The following SCFD2 variants were observed in gnomAD, a reference collection of about 807,000 sequenced individuals.
SCFD2 encodes the protein sec1 family domain containing 2, also known as sec1 family domain-containing protein 2.
A neutral mutation model predicts 58.9 loss-of-function variants in SCFD2; 54 were observed. That is an observed-to-expected ratio of 0.92 (90% CI 0.74 to 1.15). The LOEUF (loss-of-function observed/expected upper bound fraction) is 1.15, where lower values mean the gene tolerates loss of function less well. Ranked by LOEUF, SCFD2 falls within the 50% of genes most tolerant of loss-of-function variation. The pLI, the probability that SCFD2 is intolerant of heterozygous loss-of-function variation, is 0.00. For missense variants in SCFD2, 805 were observed against 836.6 expected (o/e 0.96, Z 0.47); for synonymous variants, 321 against 335.9 (o/e 0.96, Z 0.49).
intron 4 of SCFD2, among the ~76,000 whole-genome samples, chr4:53,243,985 A>G (rs1036552142): frequency 1.3e-5 from 2 of 152,182 alleles, no homozygotes; most frequent in African/African-American, 4.8e-5. Flanking sequence ...AAAGACAGAG[A>G]AGGACATAAT....
At chr4:52,964,870 A>G (rs1720926082) in intron 5 of SCFD2, among the ~76,000 whole-genome samples, 1 of 152,186 alleles carries the variant, frequency 6.6e-6, no homozygotes, top group Non-Finnish European at 1.5e-5. Context: ...CACTATGTTA[A>G]TTTAGTGAGT....
intron 5 of SCFD2, among the ~76,000 whole-genome samples, chr4:52,930,508 A>C (rs897810138): frequency 2.6e-5 from 4 of 152,212 alleles, no homozygotes; most frequent in Non-Finnish European, 4.4e-5. Flanking sequence ...AAATTGACAA[A>C]TGGGAACCAT....
intron 4 of SCFD2, among the ~76,000 whole-genome samples, chr4:53,160,830 G>A (rs991208102): frequency 6.6e-6 from 1 of 152,190 alleles, no homozygotes; most frequent in African/African-American, 2.4e-5. Flanking sequence ...AGGGGCACTA[G>A]TTGACATTCT....
intron 4 of SCFD2, among the ~76,000 whole-genome samples, chr4:53,269,642 T>C (rs1234503290): frequency 4.6e-5 from 7 of 152,106 alleles, no homozygotes; most frequent in African/African-American, 1.2e-4. Context: ...TTTAAACAAA[T>C]AGAGAATAGA....
intron 5 of SCFD2, among the ~76,000 whole-genome samples, chr4:53,026,726 CTAGAGT>C (rs1722482480): frequency 6.6e-6 from 1 of 152,112 alleles, no homozygotes; most frequent in Admixed American, 6.5e-5. Flanking sequence ...TTCTAGACAA[CTAGAGT>C]AGTAGTACTG....
chr4:53,202,342 G>A (rs541716220), intron 4 of SCFD2, among the ~76,000 whole-genome samples: 29 of 152,118 alleles, frequency 1.9e-4, no homozygotes, highest in African/African-American at 6.0e-4. Flanking sequence ...CTGTAGATAC[G>A]TGGCATTATT....
At chr4:52,998,699 G>A (rs186501892) in intron 5 of SCFD2, among the ~76,000 whole-genome samples, 41 of 152,208 alleles carry the variant, frequency 2.7e-4, no homozygotes, top group African/African-American at 8.4e-4. Flanking sequence ...TGGCAAGAAC[G>A]ACAGAGTCAC....
At position 53,140,523 on chromosome 4, in the gene SCFD2, A is replaced by C. The variant is rs1387535465; in HGVS notation, c.1561+4810T>G. The stretch of plus-strand genomic sequence containing the variant: ...CAACCAATAGATTTCAATGGCTTGA[A>C]GTGATACTTTAATTTCTTTATAACA... On this transcript the variant is annotated intron_variant, in intron 5 of 8. Transcript: ENST00000401642. Among the ~76,000 whole-genome samples the C allele has an allele frequency of 3.3e-5, 5 of 151,680 alleles. No individual in the cohort carries two copies. The East Asian group carries it at 7.8e-4, about 24-fold the overall frequency.
At chr4:52,960,262 C>T (rs981927926) in intron 5 of SCFD2, among the ~76,000 whole-genome samples, 6 of 152,170 alleles carry the variant, frequency 3.9e-5, no homozygotes, top group African/African-American at 1.4e-4. Flanking sequence ...TCACCTGAGG[C>T]CTCAACTCTG....
chr4:53,092,704 C>A (rs1724508793), intron 5 of SCFD2, among the ~76,000 whole-genome samples: 1 of 151,970 alleles, frequency 6.6e-6, no homozygotes, highest in Non-Finnish European at 1.5e-5. Flanking sequence ...GGGAAAAAAG[C>A]TAACCTCAAA....
chr4:53,207,959 CTT>C lies in SCFD2; in HGVS notation c.1312-62379_1312-62378del, dbSNP rs137857188. On this transcript the variant is annotated intron_variant, in intron 4 of 8. Coordinates refer to ENST00000401642, the MANE Select transcript of SCFD2 (RefSeq NM_152540.4). ...ATTTCTTTTTTCTTTCTTTTCTTTT[CTT>C]TTTTTTTTTCCCCCCATACAAAGTC... Among the ~76,000 whole-genome samples the C allele has an allele frequency of 1.7e-4, 25 of 145,030 alleles. No homozygotes were observed. In the South Asian group the frequency reaches 1.8e-3, roughly 10 times the overall value.
intron 4 of SCFD2, among the ~76,000 whole-genome samples, chr4:53,238,595 C>A (rs1385222970): frequency 1.3e-5 from 2 of 151,952 alleles, no homozygotes; most frequent in Non-Finnish European, 2.9e-5. Context: ...GGGCTCCTCA[C>A]TTCCCAGACG....
At chr4:52,992,321 A>G (rs995139965) in intron 5 of SCFD2, among the ~76,000 whole-genome samples, 1 of 152,004 alleles carries the variant, frequency 6.6e-6, no homozygotes, top group African/African-American at 2.4e-5. Flanking sequence ...AGTCTCCCTC[A>G]CTCAGTGCTC....
intron 8 of SCFD2, among the ~76,000 whole-genome samples, chr4:52,884,399 C>A (rs1208901788): frequency 6.6e-6 from 1 of 151,180 alleles, no homozygotes; most frequent in Non-Finnish European, 1.5e-5. Context: ...AGTCAAGTCT[C>A]AACCTGGGAG....
In SCFD2 at chr4:53,033,879, G is replaced by C. The variant is rs577587072; in HGVS notation, c.1561+111454C>G. Among the ~76,000 whole-genome samples, 252 of 152,228 alleles carry C rather than the reference G, an allele frequency of 1.7e-3. 1 individual carries two copies. Among genetic ancestry groups the C allele is most frequent in the African/African-American group, 5.7e-3 (236 of 41,542 alleles). ...ACAGATTCATAGCCGAATCCTACCA[G>C]AGGTACAAAGAGGAGCTGGTACCAT... On this transcript the variant is annotated intron_variant, in intron 5 of 8. Coordinates refer to ENST00000401642, the MANE Select transcript of SCFD2 (RefSeq NM_152540.4).
intron 5 of SCFD2, among the ~76,000 whole-genome samples, chr4:53,090,278 C>T (rs1724433021): frequency 6.6e-6 from 1 of 152,148 alleles, no homozygotes; most frequent in African/African-American, 2.4e-5. Context: ...CTCTCACAAA[C>T]AGTTGGGCTT....
Position 53,352,549 on chromosome 4 carries a change from G to A in SCFD2, c.1007+49C>T, listed in dbSNP as rs372356179. ...GGGAATACTCAGTCTAGGAGAAAAA[G>A]AAAGGGGAAGACAGAGAAAGATAAG... is the stretch of plus-strand genomic sequence containing the variant. On this transcript the variant is annotated intron_variant, in intron 2 of 8. Transcript: ENST00000401642. 1.9e-4 allele frequency: 287 copies of A among 1,476,344 alleles called. No individual in the cohort carries two copies. The African/African-American group carries it at 2.0e-3, about 10-fold the overall frequency. The allele number at this position is 1,476,344 out of a possible 1,614,324, so 91.5% of individuals were successfully genotyped here. A position where few individuals can be genotyped will look rare whatever the true frequency, so the allele number is the denominator to read the frequency against.
intron 3 of SCFD2, among the ~76,000 whole-genome samples, chr4:53,297,103 A>G (rs1227354365): frequency 6.6e-6 from 1 of 152,196 alleles, no homozygotes; most frequent in African/African-American, 2.4e-5. Context: ...GCTGAGAAGA[A>G]TGTATATTCT....
At chr4:53,160,373 G>T (rs1320850381) in intron 4 of SCFD2, among the ~76,000 whole-genome samples, 2 of 152,180 alleles carry the variant, frequency 1.3e-5, no homozygotes, top group African/African-American at 4.8e-5. Context: ...AGAAACAATG[G>T]GGCTTGGATC....
Sources: gnomAD v4.1 joint callset for allele counts (sites outside exome capture counted in the v4.1 genomes callset) on GRCh38, gnomAD v4.1.1 for gene constraint, MANE v1.5 for transcripts, NCBI Gene and HGNC (gene_info 2026-07-23, HGNC 2026-07-21) for gene names.